KCNH4: variants seen among roughly 807,000 people sequenced by gnomAD.
KCNH4 encodes the protein voltage-gated delayed rectifier potassium channel KCNH4.
Under a neutral mutation model 90.7 loss-of-function variants are expected in KCNH4, and 33 were observed. The observed-to-expected ratio is 0.36, with a 90% CI of 0.28 to 0.49. The LOEUF is 0.49. KCNH4 is among the 20% of genes least tolerant of loss of function. The pLI is 0.98. For synonymous variants in KCNH4, 551 were observed against 581.7 expected (o/e 0.95, Z 0.76); for missense variants, 1,044 against 1,387.1 (o/e 0.75, Z 3.93).
At chr17:42,159,090 C>T (rs1416246815) in intron 16 of KCNH4, among the ~76,000 whole-genome samples, 5 of 151,874 alleles carry the variant, frequency 3.3e-5, no homozygotes, top group African/African-American at 4.8e-5. Context: ...TGCAGTGGTG[C>T]GATCTTGGCT....
chr17:42,170,315 G>C lies in KCNH4; in HGVS notation c.1196-14C>G. 6.4e-7 allele frequency: 1 copy of C among 1,569,634 alleles called. No homozygotes were observed. The highest frequency in any genetic ancestry group is 8.6e-7 in the Non-Finnish European group (1 of 1,162,464). On this transcript the variant is annotated splice_polypyrimidine_tract_variant and intron_variant, in intron 7 of 16. Coordinates refer to ENST00000264661, the MANE Select transcript of KCNH4 (RefSeq NM_012285.3). ...CATGCAACCAGCCTGCAGGGTGGAC[G>C]GATGCAGGGAGCCCTGGCTGTGCCA...
intron 6 of KCNH4, 152 bp downstream of exon 6, chr17:42,175,427 G>A (rs928591894): frequency 8.9e-6 from 8 of 899,612 alleles, no homozygotes; most frequent in Non-Finnish European, 1.4e-5. Context: ...CCAGTACCTA[G>A]CACAGGGCTA....
chr17:42,180,975 G>T lies in KCNH4; in HGVS notation c.-30C>A. 6.3e-7 allele frequency: 1 copy of T among 1,598,144 alleles called. No individual in the cohort carries two copies. On this transcript the variant is annotated 5_prime_UTR_variant, in exon 1 of 17. Transcript: ENST00000264661. This position sits in a 1 kb window ranked among gnomAD's most constrained non-coding sequence, Gnocchi z 4.7. ...CCGGGGCGTGGGTTCAAGGCGCGGC[G>T]CTGGGGAGCTTTCAGCGCGGCCGGG... is the stretch of plus-strand genomic sequence containing the variant.
intron 7 of KCNH4, 122 bp downstream of exon 7, chr17:42,171,666 C>T (rs562266504): frequency 1.9e-5 from 17 of 918,180 alleles, no homozygotes; most frequent in Middle Eastern, 2.3e-4. Context: ...AAGAGCTCAA[C>T]GCATGTTTGT....
intron 2 of KCNH4, 61 bp downstream of exon 2, chr17:42,178,732 G>T (rs2079880420): frequency 7.0e-7 from 1 of 1,437,616 alleles, no homozygotes. Context: ...ACTGTGCCCA[G>T]TGCCCTCTGG....
intron 16 of KCNH4, among the ~76,000 whole-genome samples, chr17:42,159,380 G>A (rs187259995): frequency 5.9e-5 from 9 of 152,176 alleles, no homozygotes; most frequent in African/African-American, 9.6e-5. Flanking sequence ...AATGCTGCGC[G>A]AGCCGAAGAG....
intron 6 of KCNH4, among the ~76,000 whole-genome samples, chr17:42,173,529 C>T (rs1450295194): frequency 6.6e-6 from 1 of 151,984 alleles, no homozygotes; most frequent in East Asian, 1.9e-4. Context: ...TTCAAGTCTG[C>T]AGCTCTGCCA....
At chr17:42,175,105 G>C (rs559585530) in intron 6 of KCNH4, among the ~76,000 whole-genome samples, 1 of 152,068 alleles carries the variant, frequency 6.6e-6, no homozygotes, top group Non-Finnish European at 1.5e-5. Flanking sequence ...TAGCATACCC[G>C]GGCCCCATCT....
chr17:42,163,931 A>T lies in KCNH4; in HGVS notation c.2152T>A (p.Ser718Thr). ...GTGATGGATGGCAGCGTCTTGTCTG[A>T]GGAGGAGCCGAGGCTTTCTGAGCGG... ...QPRSESLGSSSDKTLPSITEA... is the reference protein window; with the variant it reads ...QPRSESLGSSTDKTLPSITEA... The change falls in exon 13 of 17, where the codon TCA (serine) becomes ACA (threonine). Residue 718 changes from serine to threonine, a missense_variant. This residue lies in a region of KCNH4 where 441 missense variants were observed against 512.3 expected (regional missense o/e 0.86). Coordinates refer to ENST00000264661, the MANE Select transcript of KCNH4 (RefSeq NM_012285.3). This position sits in a 1 kb window ranked among gnomAD's most constrained non-coding sequence, Gnocchi z 5.4. 6.5e-7 allele frequency: 1 copy of T among 1,545,312 alleles called. No homozygotes were observed. The highest frequency in any genetic ancestry group is 1.2e-5 in the South Asian group (1 of 83,620).
intron 10 of KCNH4, among the ~76,000 whole-genome samples, chr17:42,165,935 G>A (rs762797880): frequency 5.9e-5 from 9 of 152,140 alleles, no homozygotes; most frequent in Admixed American, 2.0e-4. Context: ...GTGGAATTGG[G>A]TGATAAAAAT....
chr17:42,166,561 T>C lies in KCNH4; in HGVS notation c.1591-15A>G, dbSNP rs1261468064. On this transcript the variant is annotated splice_polypyrimidine_tract_variant and intron_variant, in intron 9 of 16. Coordinates refer to ENST00000264661, the MANE Select transcript of KCNH4 (RefSeq NM_012285.3). Reference sequence around the variant, plus strand: ...TCACGCAGTAACTGCATAAGGGGCATAGGTCATTCTGGCCATCCCCCTGCA... The same window carrying C: ...TCACGCAGTAACTGCATAAGGGGCACAGGTCATTCTGGCCATCCCCCTGCA... The C allele has an allele frequency of 6.9e-6, 11 of 1,597,632 alleles. No individual in the cohort carries two copies. Among genetic ancestry groups the C allele is most frequent in the Non-Finnish European group, 9.4e-6 (11 of 1,167,010 alleles).
In KCNH4 at chr17:42,162,262, G is replaced by A. The variant is rs532685619; in HGVS notation, c.2644C>T (p.Arg882Trp). The part of the protein sequence containing the change: ...EAEEVKEKVC[R>W]LNQEISRLNQ... The stretch of plus-strand genomic sequence containing the variant: ...CCCCAACCCACCTCCTGGTTCAGCC[G>A]GCAAACCTTTTCCTTCACCTCCTCA... Residue 882 changes from arginine to tryptophan, a missense_variant, in exon 15 of 17, where the codon CGG (arginine) becomes TGG (tryptophan). Physicochemically the swap from Arg to Trp is moderately radical, Grantham distance 101 (BLOSUM62 -3). Around this residue, in one of 4 missense-constraint regions of KCNH4, gnomAD observed 441 missense variants for 512.3 expected, o/e 0.86. Transcript: ENST00000264661. 48 of 1,613,894 alleles carry A rather than the reference G, an allele frequency of 3.0e-5. No homozygotes were observed. The East Asian group carries it at 5.4e-4, about 18-fold the overall frequency.
At chr17:42,170,967 G>A (rs1387619232) in intron 7 of KCNH4, among the ~76,000 whole-genome samples, 1 of 152,206 alleles carries the variant, frequency 6.6e-6, no homozygotes, top group Non-Finnish European at 1.5e-5. Context: ...TGGTGTGGCT[G>A]CAGCGCAGGG....
intron 7 of KCNH4, 63 bp from the exon 8 acceptor site, chr17:42,170,364 G>C: frequency 7.0e-7 from 1 of 1,431,128 alleles, no homozygotes. Context: ...AGGGTTCCCT[G>C]AGCCACCTAC....
At position 42,180,990 on chromosome 17, in the gene KCNH4, G is replaced by C; in HGVS notation, c.-45C>G. The C allele has an allele frequency of 6.3e-7, 1 of 1,578,028 alleles. No homozygotes were observed. Among genetic ancestry groups the C allele is most frequent in the Non-Finnish European group, 8.7e-7 (1 of 1,155,978 alleles). Reference sequence around the variant, plus strand: ...AAGGCGCGGCGCTGGGGAGCTTTCAGCGCGGCCGGGCCGGAGGGGGCGCGC... The same window carrying C: ...AAGGCGCGGCGCTGGGGAGCTTTCACCGCGGCCGGGCCGGAGGGGGCGCGC... On this transcript the variant is annotated 5_prime_UTR_variant, in exon 1 of 17. Coordinates refer to ENST00000264661, the MANE Select transcript of KCNH4 (RefSeq NM_012285.3). The surrounding 1 kb of genome is among the most constrained non-coding windows in gnomAD (Gnocchi z 4.7).
chr17:42,168,609 A>G (rs1439185641), intron 9 of KCNH4, among the ~76,000 whole-genome samples: 1 of 152,014 alleles, frequency 6.6e-6, no homozygotes, highest in Non-Finnish European at 1.5e-5. Flanking sequence ...ACACCACTGC[A>G]CTCCAGCGTG....
Position 42,181,085 on chromosome 17 carries a change from G to GCCGCTT in KCNH4, c.-141_-140insAAGCGG. The GCCGCTT allele has an allele frequency of 1.4e-6, 1 of 706,912 alleles. No homozygotes were observed. The highest frequency in any genetic ancestry group is 1.9e-5 in the South Asian group (1 of 53,816). 43.8% of individuals were successfully genotyped at this position (706,912 alleles called of 1,614,324 possible). ...CCTCCCTCTTACTGCCGCTGCCGCTGCCGCTGCCTCTGCTCCGAACCCCGT... is the reference window on the plus strand; with the variant it reads ...CCTCCCTCTTACTGCCGCTGCCGCTGCCGCTTCCGCTGCCTCTGCTCCGAACCCCGT... On this transcript the variant is annotated 5_prime_UTR_variant, in exon 1 of 17. Coordinates refer to ENST00000264661, the MANE Select transcript of KCNH4 (RefSeq NM_012285.3).
intron 4 of KCNH4, among the ~76,000 whole-genome samples, chr17:42,177,277 G>A (rs1250712742): frequency 1.3e-5 from 2 of 152,082 alleles, no homozygotes; most frequent in East Asian, 1.9e-4. Context: ...TTGAACTCCC[G>A]ACCTCAGGTG....
chr17:42,177,341 G>A lies in KCNH4; in HGVS notation c.585+759C>T, dbSNP rs187968748. Among the ~76,000 whole-genome samples the A allele has an allele frequency of 8.8e-3, 1,336 of 151,950 alleles. 22 individuals carry two copies. The highest frequency in any genetic ancestry group is 0.03 in the African/African-American group (1,257 of 41,452). On this transcript the variant is annotated intron_variant, in intron 4 of 16. Transcript: ENST00000264661. ...TGGGATTACAGGCATCAGCCACTGC[G>A]CCTGGCCTCCAGATAATTTTTAATT...
Sources: allele counts gnomAD v4.1 joint callset (sites outside exome capture counted in the v4.1 genomes callset), GRCh38; gene constraint gnomAD v4.1.1; regional missense constraint gnomAD v4.1.1; non-coding constraint Gnocchi (gnomAD v3.1); transcripts MANE v1.5; gene names NCBI Gene and HGNC (gene_info 2026-07-23, HGNC 2026-07-21).